The following NCALD variants were observed in gnomAD, a reference collection of about 807,000 sequenced individuals.
NCALD encodes neurocalcin delta.
NCALD carries 10 observed loss-of-function variants against 18.6 expected under a neutral mutation model. The ratio of observed to expected loss-of-function variants is 0.54; its 90% confidence interval spans 0.33 to 0.91. The LOEUF (loss-of-function observed/expected upper bound fraction) is 0.91. NCALD is among the 40% of genes least tolerant of loss of function. The pLI, the probability that NCALD is intolerant of heterozygous loss-of-function variation, is 0.03. For synonymous variants in NCALD, 88 were observed against 87.4 expected (o/e 1.01, Z -0.04); for missense variants, 184 against 247.6 (o/e 0.74, Z 1.72).
chr8:101,691,857 A>C, intron 3 of NCALD: 1 of 985,454 alleles, frequency 1.0e-6, no homozygotes, highest in Non-Finnish European at 1.2e-6. Flanking sequence ...GTGCCTGTGC[A>C]CATGGTTGAC....
intron 1 of NCALD, among the ~76,000 whole-genome samples, chr8:101,783,044 T>C (rs75880789): frequency 0.027 from 4,185 of 152,254 alleles, 95 homozygotes; most frequent in Middle Eastern, 0.048. Flanking sequence ...GTCTGGGTGA[T>C]TGCACCACAT....
intron 1 of NCALD, among the ~76,000 whole-genome samples, chr8:101,720,392 A>C (rs1816295723): frequency 6.6e-6 from 1 of 152,210 alleles, no homozygotes; most frequent in South Asian, 2.1e-4. Flanking sequence ...TGGCAGTAGC[A>C]CATAGTTATA....
chr8:101,966,049 C>T (rs1820014037), intron 2 of NCALD, among the ~76,000 whole-genome samples: 1 of 151,246 alleles, frequency 6.6e-6, no homozygotes, highest in South Asian at 2.1e-4. Context: ...AGCTAATATC[C>T]CTAAAATATA....
intron 1 of NCALD, among the ~76,000 whole-genome samples, chr8:102,081,564 A>AAAAACAAAAAAAAAAAACAAAC (rs1563601094): frequency 8.8e-6 from 1 of 113,768 alleles, no homozygotes; most frequent in African/African-American, 4.4e-5. Flanking sequence ...AAAAAAAAAA[A>AAAAACAAAAAAAAAAAACAAAC]AAAAAAAAAA....
At chr8:101,977,260 GT>G (rs1820458439) in intron 2 of NCALD, among the ~76,000 whole-genome samples, 1 of 151,758 alleles carries the variant, frequency 6.6e-6, no homozygotes, top group African/African-American at 2.4e-5. Flanking sequence ...AAATATTGTG[GT>G]TATTACATGT....
chr8:101,871,365 T>G (rs1274042568), intron 4 of NCALD, among the ~76,000 whole-genome samples: 1 of 152,178 alleles, frequency 6.6e-6, no homozygotes, highest in Non-Finnish European at 1.5e-5. Context: ...AATCAGCCTT[T>G]GTGCAGCTGA....
chr8:101,869,284 G>C (rs999774006), intron 4 of NCALD, among the ~76,000 whole-genome samples: 2 of 152,182 alleles, frequency 1.3e-5, no homozygotes, highest in South Asian at 4.1e-4. Flanking sequence ...TCAAGAGAGA[G>C]GGAGGAGGAT....
chr8:101,948,452 G>C (rs1475214005), intron 2 of NCALD, among the ~76,000 whole-genome samples: 6 of 152,156 alleles, frequency 3.9e-5, no homozygotes, highest in Admixed American at 3.9e-4. Context: ...GGAGTTGGAG[G>C]TGATTTTAAT....
At chr8:101,814,127 C>T (rs907123389) in intron 4 of NCALD, among the ~76,000 whole-genome samples, 6 of 151,972 alleles carry the variant, frequency 3.9e-5, no homozygotes, top group African/African-American at 1.4e-4. Context: ...ATTCAGAGTA[C>T]AGAAGAAAGC....
intron 3 of NCALD, among the ~76,000 whole-genome samples, chr8:101,893,557 A>G (rs1348157997): frequency 4.2e-4 from 53 of 126,958 alleles, no homozygotes; most frequent in Non-Finnish European, 6.0e-4. Context: ...CAATTAAAAG[A>G]CACAGACTGG....
intron 3 of NCALD, among the ~76,000 whole-genome samples, chr8:101,906,246 T>C (rs1817607412): frequency 6.6e-6 from 1 of 152,232 alleles, no homozygotes; most frequent in Non-Finnish European, 1.5e-5. Flanking sequence ...AGATGATTCT[T>C]TGTAAACATC....
intron 1 of NCALD, among the ~76,000 whole-genome samples, chr8:101,776,088 C>T (rs1458501827): frequency 6.6e-6 from 1 of 152,102 alleles, no homozygotes; most frequent in Non-Finnish European, 1.5e-5. Context: ...CCAGACAATC[C>T]TGTTATAGAC....
chr8:101,832,472 G>T (rs770897191), intron 4 of NCALD, among the ~76,000 whole-genome samples: 1 of 152,130 alleles, frequency 6.6e-6, no homozygotes, highest in Non-Finnish European at 1.5e-5. Flanking sequence ...TAGCAAAGTT[G>T]GACAATCAAA....
At chr8:102,017,761 A>G (rs1822139861) in intron 2 of NCALD, among the ~76,000 whole-genome samples, 1 of 152,248 alleles carries the variant, frequency 6.6e-6, no homozygotes, top group African/African-American at 2.4e-5. Flanking sequence ...GAAATTCACC[A>G]AAATGTAAAA....
intron 4 of NCALD, chr8:101,872,109 G>C (rs747788495): frequency 3.1e-6 from 5 of 1,598,418 alleles, no homozygotes; most frequent in Non-Finnish European, 4.3e-6. Context: ...AATTGGCTTT[G>C]ATAAATTTGA....
chr8:102,060,910 T>A (rs1823826797), intron 1 of NCALD, among the ~76,000 whole-genome samples: 1 of 152,180 alleles, frequency 6.6e-6, no homozygotes, highest in South Asian at 2.1e-4. Context: ...CTCTTCCATC[T>A]CTGCATGGCT....
upstream of NCALD, among the ~76,000 whole-genome samples, chr8:101,793,290 C>T (rs1812513838): frequency 3.4e-5 from 5 of 148,446 alleles, no homozygotes; most frequent in South Asian, 1.1e-3. Context: ...GTGGAGGTTG[C>T]AGTGAGCCAA....
At chr8:101,725,339 G>A (rs1012453190) in intron 1 of NCALD, among the ~76,000 whole-genome samples, 1 of 152,224 alleles carries the variant, frequency 6.6e-6, no homozygotes, top group African/African-American at 2.4e-5. Context: ...TGACTTCAGA[G>A]AGAAGCCTGG....
At chr8:102,094,583 G>A (rs7834622) in intron 1 of NCALD, among the ~76,000 whole-genome samples, 32,814 of 152,152 alleles carry the variant, frequency 0.22, 3,770 homozygotes, top group Non-Finnish European at 0.24. Flanking sequence ...TCCTTTTAAT[G>A]AGCAAATGCT....
Sources: gnomAD v4.1 joint callset for allele counts (sites outside exome capture counted in the v4.1 genomes callset) on GRCh38, gnomAD v4.1.1 for gene constraint, MANE v1.5 for transcripts, NCBI Gene and HGNC (gene_info 2026-07-23, HGNC 2026-07-21) for gene names.